The following ME3 variants were observed in gnomAD, a reference collection of about 807,000 sequenced individuals.
ME3 encodes the protein malic enzyme 3.
ME3 carries 48 observed loss-of-function variants against 68.9 expected under a neutral mutation model. The observed-to-expected ratio is 0.70, with a 90% CI of 0.55 to 0.89. The LOEUF (loss-of-function observed/expected upper bound fraction) is 0.89, where lower values mean the gene tolerates loss of function less well. ME3 is among the 40% of genes least tolerant of loss of function. The pLI is 0.00. For synonymous variants in ME3, 320 were observed against 318.8 expected (o/e 1.00, Z -0.04); for missense variants, 675 against 797.4 (o/e 0.85, Z 1.85).
chr11:86,586,829 A>G (rs1006957981), intron 2 of ME3, among the ~76,000 whole-genome samples: 1 of 152,164 alleles, frequency 6.6e-6, no homozygotes, highest in South Asian at 2.1e-4. Context: ...AGCAACCTCC[A>G]TATGAGAGGG....
chr11:86,506,627 G>T (rs1011396655), intron 5 of ME3, among the ~76,000 whole-genome samples: 1 of 152,116 alleles, frequency 6.6e-6, no homozygotes, highest in Non-Finnish European at 1.5e-5. Flanking sequence ...CAAAAGCACC[G>T]AAAGTATTAG....
chr11:86,435,801 A>T, the ME3 span: 1 of 152,240 alleles, frequency 6.6e-6, no homozygotes, highest in African/African-American at 2.4e-5. Flanking sequence ...AGCTCTGAGG[A>T]TGGGATGGCT....
intron 2 of ME3, among the ~76,000 whole-genome samples, chr11:86,658,554 A>G (rs747024308): frequency 6.6e-6 from 1 of 152,200 alleles, no homozygotes; most frequent in Non-Finnish European, 1.5e-5. Context: ...CAGAGGAGGC[A>G]GCTGACTCTG....
intron 2 of ME3, among the ~76,000 whole-genome samples, chr11:86,584,314 A>T (rs1199639011): frequency 1.3e-5 from 2 of 152,212 alleles, no homozygotes; most frequent in Non-Finnish European, 2.9e-5. Context: ...AACAAAAGGT[A>T]ACAAGTATTG....
At chr11:86,456,414 T>C (rs1292978217) in intron 8 of ME3, among the ~76,000 whole-genome samples, 4 of 152,118 alleles carry the variant, frequency 2.6e-5, no homozygotes, top group African/African-American at 9.7e-5. Context: ...CTCACAGAAA[T>C]TCGGTGCTGG....
At chr11:86,645,497 T>C (rs1944946195) in intron 2 of ME3, among the ~76,000 whole-genome samples, 2 of 152,166 alleles carry the variant, frequency 1.3e-5, no homozygotes, top group Non-Finnish European at 2.9e-5. Flanking sequence ...CCAGACTCTC[T>C]AGATTTCTCC....
intron 3 of ME3, among the ~76,000 whole-genome samples, chr11:86,558,303 T>G (rs955405394): frequency 5.3e-5 from 8 of 152,208 alleles, no homozygotes; most frequent in Non-Finnish European, 1.2e-4. Context: ...TCCTGTTAGT[T>G]GATTTCATTG....
At chr11:86,542,573 A>G (rs1232014380) in intron 4 of ME3, among the ~76,000 whole-genome samples, 1 of 152,226 alleles carries the variant, frequency 6.6e-6, no homozygotes, top group Non-Finnish European at 1.5e-5. Flanking sequence ...AGATCAACTT[A>G]ATGAAATAAA....
chr11:86,487,110 C>T (rs1039976355), intron 7 of ME3, among the ~76,000 whole-genome samples: 2 of 152,196 alleles, frequency 1.3e-5, no homozygotes, highest in African/African-American at 4.8e-5. Flanking sequence ...CTTCAGCCAT[C>T]AACCCTCTCA....
chr11:86,649,149 G>A (rs1480558793), intron 2 of ME3, among the ~76,000 whole-genome samples: 2 of 152,308 alleles, frequency 1.3e-5, no homozygotes, highest in East Asian at 1.9e-4. Context: ...TGGGATGCAA[G>A]GCTGGTTCAA....
At chr11:86,663,734 A>C (rs1946424511) in intron 2 of ME3, among the ~76,000 whole-genome samples, 1 of 152,240 alleles carries the variant, frequency 6.6e-6, no homozygotes, top group African/African-American at 2.4e-5. Flanking sequence ...TAGAAATGAC[A>C]AAAATGTGAA....
In ME3 at chr11:86,459,454, T is replaced by G. The variant is rs374080555; in HGVS notation, c.919+5637A>C. On this transcript the variant is annotated intron_variant, in intron 8 of 14. Transcript: ENST00000543262. ...GTAATAGGTACCATGAACTGAGTAC[T>G]GCTACATGCCTGTCCCTACCTATAC... Among the ~76,000 whole-genome samples, 3 of 152,238 alleles carry G rather than the reference T, an allele frequency of 2.0e-5. No individual in the cohort carries two copies. In the East Asian group the frequency reaches 5.8e-4, roughly 29 times the overall value.
At chr11:86,657,382 A>T (rs772217319) in intron 2 of ME3, among the ~76,000 whole-genome samples, 11 of 146,138 alleles carry the variant, frequency 7.5e-5, no homozygotes, top group Non-Finnish European at 1.5e-4. Flanking sequence ...CAAACCAAAC[A>T]CCACATGTTC....
At chr11:86,439,795 T>C (rs1163478343), downstream of ME3, among the ~76,000 whole-genome samples, 2 of 152,242 alleles carry the variant, frequency 1.3e-5, no homozygotes, top group Non-Finnish European at 2.9e-5. Context: ...TTTTCTACTA[T>C]ATTGATTATA....
chr11:86,560,770 A>ATATATATATATATATATATATATATT (rs1405684410), intron 2 of ME3, among the ~76,000 whole-genome samples: 1 of 132,148 alleles, frequency 7.6e-6, no homozygotes, highest in South Asian at 2.4e-4. Context: ...ATATATATAT[A>ATATATATATATATATATATATATATT]TATTTCCAGG....
At chr11:86,652,656 A>G (rs1273862161) in intron 2 of ME3, among the ~76,000 whole-genome samples, 1 of 151,804 alleles carries the variant, frequency 6.6e-6, no homozygotes, top group Non-Finnish European at 1.5e-5. Context: ...AAGTGTAAAG[A>G]CCATCCACGC....
intron 2 of ME3, among the ~76,000 whole-genome samples, chr11:86,656,292 A>C (rs1159953563): frequency 6.6e-6 from 1 of 152,018 alleles, no homozygotes; most frequent in Admixed American, 6.6e-5. Context: ...ATAAAGACAC[A>C]TGCACACATA....
At chr11:86,668,847 C>A (rs1946737294) in intron 2 of ME3, among the ~76,000 whole-genome samples, 1 of 152,216 alleles carries the variant, frequency 6.6e-6, no homozygotes, top group African/African-American at 2.4e-5. Context: ...CTAGATCTTT[C>A]AGGCACTACC....
intron 2 of ME3, among the ~76,000 whole-genome samples, chr11:86,657,109 C>T (rs939300482): frequency 7.2e-5 from 11 of 152,152 alleles, no homozygotes; most frequent in Non-Finnish European, 1.3e-4. Context: ...CCAGCAATCC[C>T]ATTACTGGGT....
Sources: gnomAD v4.1 joint callset for allele counts (sites outside exome capture counted in the v4.1 genomes callset) on GRCh38, gnomAD v4.1.1 for gene constraint, MANE v1.5 for transcripts, NCBI Gene and HGNC (gene_info 2026-07-23, HGNC 2026-07-21) for gene names.